IQGAP1: variants seen among roughly 807,000 people sequenced by gnomAD.
IQGAP1 encodes IQ motif containing GTPase activating protein 1, also known as ras GTPase-activating-like protein IQGAP1.
A neutral mutation model predicts 215.6 loss-of-function variants in IQGAP1; 66 were observed. The ratio of observed to expected loss-of-function variants is 0.31; its 90% CI spans 0.25 to 0.38. The LOEUF is 0.38. IQGAP1 is among the 10% of genes least tolerant of loss of function. The pLI is 1.00. For missense variants in IQGAP1, 1,712 were observed against 1,997.1 expected (o/e 0.86, Z 2.72); for synonymous variants, 772 against 728.7 (o/e 1.06, Z -0.96).
chr15:90,481,679 C>T (rs1047191646), intron 26 of IQGAP1, among the ~76,000 whole-genome samples: 1 of 152,080 alleles, frequency 6.6e-6, no homozygotes, highest in African/African-American at 2.4e-5. Context: ...GTTTGTGTGT[C>T]GCTCCCACCA....
intron 11 of IQGAP1, 57 bp downstream of exon 11, chr15:90,449,700 G>A: frequency 7.1e-7 from 1 of 1,404,694 alleles, no homozygotes; most frequent in Non-Finnish European, 9.9e-7. Flanking sequence ...TTATTGAAGG[G>A]TCTGAGGTTA....
intron 32 of IQGAP1, among the ~76,000 whole-genome samples, 157 bp downstream of exon 32, chr15:90,487,246 C>T (rs1168314947): frequency 6.6e-6 from 1 of 152,190 alleles, no homozygotes; most frequent in African/African-American, 2.4e-5. Context: ...GTACTTGGTA[C>T]AGGACTTATC....
chr15:90,477,702 A>C lies in IQGAP1; in HGVS notation c.3142A>C (p.Asn1048His). ...VDQIQEIVTG[N>H]PTVIKMVVSF... ...TCAGATTCAAGAGATTGTGACAGGA[A>C]ATCCTACGGTTATTAAAATGGTTGT... Residue 1048 changes from asparagine to histidine, a missense_variant, in exon 26 of 38, where the codon AAT becomes CAT. By Grantham distance (68) the Asn-to-His change is moderately conservative. Coordinates refer to ENST00000268182, the MANE Select transcript of IQGAP1 (RefSeq NM_003870.4). The C allele has an allele frequency of 6.2e-7, 1 of 1,613,948 alleles. No individual in the cohort carries two copies. Among genetic ancestry groups the C allele is most frequent in the Non-Finnish European group, 8.5e-7 (1 of 1,179,888 alleles).
intron 13 of IQGAP1, 89 bp downstream of exon 13, chr15:90,453,381 A>T (rs1306747474): frequency 1.0e-6 from 1 of 977,468 alleles, no homozygotes; most frequent in Non-Finnish European, 1.5e-6. Context: ...CTTTGCAGGC[A>T]TTATTACTTT....
intron 2 of IQGAP1, among the ~76,000 whole-genome samples, chr15:90,395,512 G>A (rs1276421822): frequency 3.3e-5 from 5 of 152,084 alleles, no homozygotes; most frequent in Non-Finnish European, 5.9e-5. Flanking sequence ...AGTAGAGACG[G>A]GGTTTCACCG....
rs1368398343 is a variant in IQGAP1, at chr15:90,486,963, C to T, written c.4034C>T (p.Ser1345Phe). The T allele has an allele frequency of 6.2e-7, 1 of 1,614,064 alleles. No homozygotes were observed. Among genetic ancestry groups the T allele is most frequent in the Admixed American group, 1.7e-5 (1 of 60,000 alleles). The change falls in exon 32 of 38, where the codon TCT becomes TTT. Residue 1345 changes from serine (S) to phenylalanine (F), a missense_variant. Physicochemically the swap from Ser to Phe is radical, Grantham distance 155. Transcript: ENST00000268182. ...PTIESLIGES[S>F]GNLNDPNKEA... ...CCTCCCAAAACTTCAGGGGAAAGCT[C>T]TGGCAATTTAAATGACCCAAATAAG...
In IQGAP1 at chr15:90,500,167, C is replaced by G. The variant is rs2075378159; in HGVS notation, c.*59C>G. The G allele has an allele frequency of 1.1e-6, 1 of 931,442 alleles. No homozygotes were observed. The highest frequency in any genetic ancestry group is 1.7e-6 in the Non-Finnish European group (1 of 572,024). The allele number at this position is 931,442 out of a possible 1,614,324, so 57.7% of individuals were successfully genotyped here. ...GAAAGAAGCACCTCACAGCTCCTTT[C>G]TAGGTCCTTCTTTCCTCATTGGAAG... On this transcript the variant is annotated 3_prime_UTR_variant, in exon 38 of 38. Coordinates refer to ENST00000268182, the MANE Select transcript of IQGAP1 (RefSeq NM_003870.4).
rs189769657 is a variant in IQGAP1, at chr15:90,445,895, G to C, written c.913+2417G>C. ...AGCCCAGGCTGGAGTGCAGTGGCAC[G>C]ATCTCGGCTCACTGCAACCTCTGCC... is the stretch of plus-strand genomic sequence containing the variant. On this transcript the variant is annotated intron_variant, in intron 9 of 37. Transcript: ENST00000268182. 4.7e-5 allele frequency among the ~76,000 whole-genome samples: 7 copies of C among 150,278 alleles called. No homozygotes were observed. The East Asian group carries it at 1.4e-3, about 29-fold the overall frequency.
intron 26 of IQGAP1, among the ~76,000 whole-genome samples, chr15:90,480,260 T>C (rs1966039815): frequency 6.6e-6 from 1 of 152,022 alleles, no homozygotes; most frequent in East Asian, 1.9e-4. Flanking sequence ...ATTTGAACTC[T>C]TTTTAAGATA....
At position 90,477,894 on chromosome 15, in the gene IQGAP1, G is replaced by A; in HGVS notation, c.3329+5G>A. 1 of 1,560,368 alleles carries A rather than the reference G, an allele frequency of 6.4e-7. No homozygotes were observed. The highest frequency in any genetic ancestry group is 8.8e-7 in the Non-Finnish European group (1 of 1,131,114). On this transcript the variant is annotated splice_donor_5th_base_variant and intron_variant, in intron 26 of 37. Transcript: ENST00000268182. ...GTCTCAGACAGGAGAGGCAAGGTAT[G>A]TTAACCATAATGACACTTTTCTTTC...
rs756050717 is a variant in IQGAP1 at position 90,426,216 on chromosome 15, A to G, written c.262A>G (p.Lys88Glu). Residue 88 changes from lysine (K) to glutamate (E), a missense_variant, in exon 3 of 38, where the codon AAA (lysine) becomes GAA (glutamate). Physicochemically the swap from Lys to Glu is moderately conservative, Grantham distance 56 (BLOSUM62 1). Coordinates refer to ENST00000268182, the MANE Select transcript of IQGAP1 (RefSeq NM_003870.4). ...LAKLGNFFSPKVVSLKKIYDR... is the reference protein window; with the variant it reads ...LAKLGNFFSPEVVSLKKIYDR... ...CAAACTGGGGAACTTCTTCTCTCCC[A>G]AAGTAGTGTCCCTGAAAAAAATCTA... 4.4e-5 allele frequency: 71 copies of G among 1,605,222 alleles called. No homozygotes were observed. The highest frequency in any genetic ancestry group is 5.6e-5 in the Non-Finnish European group (66 of 1,177,454).
rs751707761 is a variant in IQGAP1 at position 90,452,800 on chromosome 15, T to C, written c.1188T>C (p.Asn396=). The change falls in exon 12 of 38, where the codon AAT becomes AAC. Residue 396 remains asparagine (N), a synonymous_variant. Coordinates refer to ENST00000268182, the MANE Select transcript of IQGAP1 (RefSeq NM_003870.4). ...QRRLAAVALI[N]AAIQKGVAEK... The stretch of plus-strand genomic sequence containing the variant: ...GATTGGCAGCAGTAGCACTGATTAA[T>C]GCTGCAATCCAGAAGGGTGTTGCTG... The C allele has an allele frequency of 1.2e-6, 2 of 1,614,176 alleles. No individual in the cohort carries two copies.
intron 31 of IQGAP1, 45 bp from the exon 32 acceptor site, chr15:90,486,906 TCTC>T (rs1966134600): frequency 1.3e-6 from 2 of 1,570,562 alleles, no homozygotes; most frequent in African/African-American, 2.7e-5. Context: ...CCCCCCAATA[TCTC>T]CTCTCTTTAT....
chr15:90,484,633 C>G (rs993969240), intron 30 of IQGAP1, among the ~76,000 whole-genome samples: 1 of 152,090 alleles, frequency 6.6e-6, no homozygotes, highest in Non-Finnish European at 1.5e-5. Context: ...CTCAGCCTCC[C>G]GAGTAGCTGG....
At chr15:90,434,164 C>T (rs376942295) in intron 5 of IQGAP1, among the ~76,000 whole-genome samples, 285 of 152,148 alleles carry the variant, frequency 1.9e-3, no homozygotes, top group Middle Eastern at 3.4e-3. Flanking sequence ...AAGCCGGATG[C>T]GGTGGCTCAC....
rs777602131 is a variant in IQGAP1 at position 90,476,720 on chromosome 15, A to G, written c.2842A>G (p.Met948Val). 2.3e-5 allele frequency: 37 copies of G among 1,604,488 alleles called. No homozygotes were observed. Among genetic ancestry groups the G allele is most frequent in the Non-Finnish European group, 3.0e-5 (35 of 1,177,406 alleles). Residue 948 changes from methionine to valine, a missense_variant, in exon 24 of 38, where the codon ATG (methionine) becomes GTG (valine). Transcript: ENST00000268182. ...AAAAAATAAGGAACAGTTGTCTGAT[A>G]TGATGATGATAAATAAACAGAAGGG... ...TKKNKEQLSD[M>V]MMINKQKGGL...
rs182719429 is a variant in IQGAP1, at chr15:90,492,857, G to A, written c.4628+146G>A. The A allele has an allele frequency of 1.9e-3, 1,252 of 657,298 alleles. 2 individuals carry two copies. The highest frequency in any genetic ancestry group is 5.0e-3 in the Middle Eastern group (12 of 2,386). The allele number at this position is 657,298 out of a possible 1,614,324, so 40.7% of individuals were successfully genotyped here. A position where few individuals can be genotyped will look rare whatever the true frequency, so the allele number is the denominator to read the frequency against. On this transcript the variant is annotated intron_variant, in intron 35 of 37. Coordinates refer to ENST00000268182, the MANE Select transcript of IQGAP1 (RefSeq NM_003870.4). The stretch of plus-strand genomic sequence containing the variant: ...TCTTTTATTTTACCTCTAATCATTT[G>A]TGTAATTGCCTAATTCCATTTGTAA...
In IQGAP1 at chr15:90,453,939, G is replaced by C. The variant is rs535105233; in HGVS notation, c.1488-489G>C. On this transcript the variant is annotated intron_variant, in intron 13 of 37. Coordinates refer to ENST00000268182, the MANE Select transcript of IQGAP1 (RefSeq NM_003870.4). ...TTAGAGATACTAAGATTGATCCCTG[G>C]ATTAGGGAGACCACTTATACTTCCA... Among the ~76,000 whole-genome samples the C allele has an allele frequency of 7.8e-4, 119 of 152,290 alleles. 2 individuals are homozygous for C. In the South Asian group the frequency reaches 0.023, roughly 29 times the overall value.
At chr15:90,423,424 G>A (rs753508899) in intron 2 of IQGAP1, among the ~76,000 whole-genome samples, 3 of 152,016 alleles carry the variant, frequency 2.0e-5, no homozygotes, top group Admixed American at 6.6e-5. Flanking sequence ...GTAGAGATGG[G>A]GTTTCGCCAT....
Sources: gnomAD v4.1 joint callset for allele counts (sites outside exome capture counted in the v4.1 genomes callset) on GRCh38, gnomAD v4.1.1 for gene constraint, MANE v1.5 for transcripts, NCBI Gene and HGNC (gene_info 2026-07-23, HGNC 2026-07-21) for gene names.